The following CCDC102B variants were observed in gnomAD, a reference collection of about 807,000 sequenced individuals.
The protein encoded by CCDC102B is coiled-coil domain-containing protein 102B.
CCDC102B carries 75 observed loss-of-function variants against 57.4 expected under a neutral mutation model. That is an observed-to-expected ratio of 1.31 (90% CI 1.08 to 1.58). The LOEUF is 1.58. Ranked by LOEUF, CCDC102B falls within the 40% of genes most tolerant of loss-of-function variation. The pLI is 0.00. For missense variants in CCDC102B, 636 were observed against 582.6 expected (o/e 1.09, Z -0.94); for synonymous variants, 206 against 201.9 (o/e 1.02, Z -0.17).
chr18:68,872,615 A>T (rs758455014), intron 4 of CCDC102B, among the ~76,000 whole-genome samples: 3 of 151,834 alleles, frequency 2.0e-5, no homozygotes, highest in Non-Finnish European at 4.4e-5. Context: ...TTCCACCATT[A>T]TTCTGATCAA....
At chr18:68,904,962 C>A (rs1448389192) in intron 6 of CCDC102B, among the ~76,000 whole-genome samples, 1 of 152,102 alleles carries the variant, frequency 6.6e-6, no homozygotes, top group African/African-American at 2.4e-5. Context: ...GGCACATCCT[C>A]ATAACTGTGT....
At chr18:69,000,763 C>G (rs1414158927) in intron 6 of CCDC102B, among the ~76,000 whole-genome samples, 1 of 152,122 alleles carries the variant, frequency 6.6e-6, no homozygotes, top group African/African-American at 2.4e-5. Flanking sequence ...TTTTTATAGT[C>G]TGGGAACCTG....
intron 6 of CCDC102B, among the ~76,000 whole-genome samples, chr18:68,953,993 A>G (rs1444391438): frequency 1.3e-5 from 2 of 152,144 alleles, no homozygotes; most frequent in East Asian, 3.8e-4. Context: ...GTCACTGGAG[A>G]GACCATGTTA....
At chr18:68,728,593 G>C (rs2032709583) in intron 2 of CCDC102B, among the ~76,000 whole-genome samples, 1 of 152,150 alleles carries the variant, frequency 6.6e-6, no homozygotes, top group Non-Finnish European at 1.5e-5. Flanking sequence ...GAATGCTGTA[G>C]TCTATTGCTG....
chr18:68,736,654 A>G (rs571648458), intron 2 of CCDC102B, among the ~76,000 whole-genome samples: 2 of 152,224 alleles, frequency 1.3e-5, no homozygotes, highest in East Asian at 3.9e-4. Flanking sequence ...GCCCTTTTAC[A>G]TGGAGGCAGC....
chr18:68,923,627 C>G (rs2041366659), intron 6 of CCDC102B, among the ~76,000 whole-genome samples: 1 of 152,044 alleles, frequency 6.6e-6, no homozygotes, highest in African/African-American at 2.4e-5. Context: ...AGCAAGTATT[C>G]AAACACAGGT....
chr18:68,883,071 C>T (rs575345830), intron 5 of CCDC102B, among the ~76,000 whole-genome samples: 2 of 152,078 alleles, frequency 1.3e-5, no homozygotes, highest in South Asian at 4.2e-4. Flanking sequence ...TAACAAACCC[C>T]CATGACACAT....
Position 69,044,280 on chromosome 18 carries a change from C to A in CCDC102B, c.1435-9750C>A, listed in dbSNP as rs552091189. ...ATTCTACTTCTAATGAACATTGCTT[C>A]CAAAAACAATTAATACAATATTCTC... is the stretch of plus-strand genomic sequence containing the variant. On this transcript the variant is annotated intron_variant, in intron 7 of 7. Coordinates refer to ENST00000360242, the MANE Select transcript of CCDC102B (RefSeq NM_024781.3). Among the ~76,000 whole-genome samples, 3 of 152,208 alleles carry A rather than the reference C, an allele frequency of 2.0e-5. No individual in the cohort carries two copies. The South Asian group carries it at 6.2e-4, about 32-fold the overall frequency.
intron 1 of CCDC102B, among the ~76,000 whole-genome samples, chr18:68,834,739 A>G (rs1294428642): frequency 6.6e-6 from 1 of 151,854 alleles, no homozygotes; most frequent in African/African-American, 2.4e-5. Flanking sequence ...TTAAAAGTTA[A>G]TATTAAGTTT....
At chr18:68,876,128 C>A (rs2039436821) in intron 5 of CCDC102B, among the ~76,000 whole-genome samples, 1 of 152,102 alleles carries the variant, frequency 6.6e-6, no homozygotes, top group Non-Finnish European at 1.5e-5. Flanking sequence ...AAACATTGTA[C>A]AACATGTTGT....
intron 7 of CCDC102B, among the ~76,000 whole-genome samples, chr18:69,032,584 T>C (rs180911256): frequency 1.3e-4 from 20 of 152,270 alleles, no homozygotes; most frequent in African/African-American, 4.3e-4. Context: ...TATTCTACAA[T>C]TTAGAAAGAG....
upstream of CCDC102B, among the ~76,000 whole-genome samples, chr18:68,795,180 A>G (rs601619): frequency 0.98 from 149,047 of 152,166 alleles, 73,066 homozygotes; most frequent in East Asian, 1. Context: ...TAGCAAAGAG[A>G]TTTCTAGATT....
At chr18:68,899,371 T>A (rs1248000634) in intron 6 of CCDC102B, among the ~76,000 whole-genome samples, 1 of 151,934 alleles carries the variant, frequency 6.6e-6, no homozygotes, top group Non-Finnish European at 1.5e-5. Context: ...TTAACATTAT[T>A]TCAATAAGAA....
At chr18:68,758,374 A>C (rs1403809484) in intron 2 of CCDC102B, among the ~76,000 whole-genome samples, 1 of 152,006 alleles carries the variant, frequency 6.6e-6, no homozygotes. Flanking sequence ...GTCCAAGTTA[A>C]ACATGCTTGT....
chr18:68,836,608 C>T (rs2037375970), intron 1 of CCDC102B, 141 bp from the exon 2 acceptor site: 3 of 663,000 alleles, frequency 4.5e-6, no homozygotes, highest in Non-Finnish European at 6.9e-6. Context: ...AGCCTGGTGA[C>T]AGAGCAAGAC....
At chr18:69,001,297 G>A (rs2051194161) in intron 6 of CCDC102B, among the ~76,000 whole-genome samples, 1 of 131,016 alleles carries the variant, frequency 7.6e-6, no homozygotes, top group South Asian at 2.9e-4. Context: ...TCCTTTCCAA[G>A]TAGAGTACCT....
intron 6 of CCDC102B, among the ~76,000 whole-genome samples, chr18:68,932,088 G>A (rs2041693414): frequency 6.6e-6 from 1 of 151,482 alleles, no homozygotes; most frequent in South Asian, 2.1e-4. Flanking sequence ...AACATGACTT[G>A]TATATCCCAG....
At chr18:69,013,562 G>A (rs932406839) in intron 7 of CCDC102B, among the ~76,000 whole-genome samples, 1 of 152,134 alleles carries the variant, frequency 6.6e-6, no homozygotes, top group Non-Finnish European at 1.5e-5. Context: ...ATAAAAAGTA[G>A]GTGGTAAGAA....
chr18:68,741,812 A>T (rs533915767), intron 2 of CCDC102B, among the ~76,000 whole-genome samples: 2 of 152,266 alleles, frequency 1.3e-5, no homozygotes, highest in East Asian at 3.9e-4. Flanking sequence ...TTGAGAGAAC[A>T]GACAAAGTTG....
Sources: gnomAD v4.1 joint callset for allele counts (sites outside exome capture counted in the v4.1 genomes callset) on GRCh38, gnomAD v4.1.1 for gene constraint, MANE v1.5 for transcripts, NCBI Gene and HGNC (gene_info 2026-07-23, HGNC 2026-07-21) for gene names.